Variants in RNF14 observed in about 807,000 individuals in gnomAD.
RNF14 encodes E3 ubiquitin-protein ligase RNF14.
A neutral mutation model predicts 52.6 loss-of-function variants in RNF14; 26 were observed. That is an observed-to-expected ratio of 0.49 (90% CI 0.36 to 0.69). The LOEUF (loss-of-function observed/expected upper bound fraction) is 0.69, where lower values mean the gene tolerates loss of function less well. Among genes scored for constraint, RNF14 ranks in the 30% least tolerant of loss-of-function variants. The pLI, the probability that RNF14 is intolerant of heterozygous loss-of-function variation, is 0.00. For synonymous variants in RNF14, 194 were observed against 202.0 expected (o/e 0.96, Z 0.34); for missense variants, 404 against 560.4 (o/e 0.72, Z 2.82).
chr5:141,966,590 G>T (rs1327741898), upstream of RNF14, among the ~76,000 whole-genome samples: 1 of 152,088 alleles, frequency 6.6e-6, no homozygotes, highest in Non-Finnish European at 1.5e-5. Context: ...GACTAACCAG[G>T]CACATGAGAC....
intron 3 of RNF14, 152 bp downstream of exon 3, chr5:141,973,894 GA>G: frequency 1.5e-6 from 1 of 651,418 alleles, no homozygotes. Flanking sequence ...AAATTGCAAT[GA>G]GGGGCAAGCA....
At position 141,988,430 on chromosome 5, in the gene RNF14, A is replaced by C. The variant is rs1481190848; in HGVS notation, c.*640A>C. 1.3e-5 allele frequency: 2 copies of C among 152,350 alleles called. No homozygotes were observed. The highest frequency in any genetic ancestry group is 2.9e-5 in the Non-Finnish European group (2 of 68,052). 9.4% of individuals were successfully genotyped at this position (152,350 alleles called of 1,614,324 possible). On this transcript the variant is annotated 3_prime_UTR_variant, in exon 9 of 9. Transcript: ENST00000394520. ...TTTAATACCACAAACACTGTGGGGC[A>C]CTTGATATTTATTAGTGGTGTATAT...
At chr5:141,963,974 GA>G (rs1753295902), upstream of RNF14, among the ~76,000 whole-genome samples, 1 of 152,122 alleles carries the variant, frequency 6.6e-6, no homozygotes, top group Non-Finnish European at 1.5e-5. Context: ...CCTCCTTACA[GA>G]GCCATGTTAC....
chr5:141,960,978 T>G (rs541124003), intron 1 of RNF14, among the ~76,000 whole-genome samples: 185 of 152,184 alleles, frequency 1.2e-3, no homozygotes, highest in Admixed American at 5.1e-3. Flanking sequence ...AGTGGGTGCC[T>G]GGGGTTCATA....
the RNF14 span, among the ~76,000 whole-genome samples, chr5:141,951,201 T>G: frequency 5.3e-5 from 8 of 152,190 alleles, no homozygotes; most frequent in Admixed American, 4.6e-4. Flanking sequence ...CCTCTGTAAT[T>G]GGGACAAATA....
intron 6 of RNF14, among the ~76,000 whole-genome samples, chr5:141,982,173 G>T (rs992600026): frequency 6.6e-6 from 1 of 152,102 alleles, no homozygotes; most frequent in African/African-American, 2.4e-5. Flanking sequence ...GCAAAATTAG[G>T]AATCTCTCCC....
At chr5:141,985,057 CT>C in intron 8 of RNF14, 124 bp downstream of exon 8, 1 of 883,078 alleles carries the variant, frequency 1.1e-6, no homozygotes, top group African/African-American at 1.7e-5. Flanking sequence ...ATGTTTTCCC[CT>C]ATAAAGGAAT....
At chr5:141,982,071 G>C (rs1348083593) in intron 6 of RNF14, among the ~76,000 whole-genome samples, 1 of 152,096 alleles carries the variant, frequency 6.6e-6, no homozygotes, top group Non-Finnish European at 1.5e-5. Flanking sequence ...CTTTACTTTA[G>C]ACTTCTGTAA....
In RNF14 at chr5:141,986,702, G is replaced by T. The variant is rs532319666; in HGVS notation, c.1368-1031G>T. 3.9e-5 allele frequency among the ~76,000 whole-genome samples: 6 copies of T among 152,326 alleles called. No individual in the cohort carries two copies. The East Asian group carries it at 1.2e-3, about 29-fold the overall frequency. On this transcript the variant is annotated intron_variant, in intron 8 of 8. Coordinates refer to ENST00000394520, the MANE Select transcript of RNF14 (RefSeq NM_004290.5). ...GCCGGCAAGGTGGCTGTTATGACAG[G>T]TTGGGAAGCATAGCCTTCAGCCAGA...
At chr5:141,964,440 AATG>A (rs532498908), upstream of RNF14, among the ~76,000 whole-genome samples, 1 of 152,030 alleles carries the variant, frequency 6.6e-6, no homozygotes, top group African/African-American at 2.4e-5. Context: ...TTAAAATAGG[AATG>A]ATGATGATGA....
chr5:141,951,331 C>T, the RNF14 span, among the ~76,000 whole-genome samples: 6 of 152,282 alleles, frequency 3.9e-5, no homozygotes, highest in South Asian at 6.2e-4. Flanking sequence ...AGTCACCTCA[C>T]GACCAAAACT....
At position 141,983,619 on chromosome 5, in the gene RNF14, C is replaced by G. The variant is rs887316082; in HGVS notation, c.1236+67C>G. On this transcript the variant is annotated intron_variant, in intron 7 of 8. Coordinates refer to ENST00000394520, the MANE Select transcript of RNF14 (RefSeq NM_004290.5). ...AGGATGTTATGATTACCTTAAGAAG[C>G]CTTACTAGTCAATTTTATGACTTAC... 3.7e-5 allele frequency: 50 copies of G among 1,353,012 alleles called. 1 individual carries two copies. In the East Asian group the frequency reaches 4.9e-4, roughly 13 times the overall value. The allele number at this position is 1,353,012 out of a possible 1,614,324, so 83.8% of individuals were successfully genotyped here.
At chr5:141,976,743 C>T (rs1038013893) in intron 4 of RNF14, among the ~76,000 whole-genome samples, 2 of 150,490 alleles carry the variant, frequency 1.3e-5, no homozygotes, top group East Asian at 3.9e-4. Context: ...CGTCCCCCTT[C>T]CATTTACATG....
intron 4 of RNF14, among the ~76,000 whole-genome samples, chr5:141,976,532 CTT>C (rs1000606190): frequency 8.5e-5 from 13 of 152,244 alleles, no homozygotes; most frequent in South Asian, 6.2e-4. Context: ...TAATTGGTCT[CTT>C]ATATTCCTTC....
chr5:141,969,029 C>T (rs1415077025), upstream of RNF14: 1 of 152,218 alleles, frequency 6.6e-6, no homozygotes, highest in Non-Finnish European at 1.5e-5. Context: ...CAGGGGCGAC[C>T]ACGGCGGCTG....
chr5:141,954,477 A>C (rs1753141726), upstream of RNF14, among the ~76,000 whole-genome samples: 1 of 152,226 alleles, frequency 6.6e-6, no homozygotes, highest in Non-Finnish European at 1.5e-5. Context: ...GCATTCACTC[A>C]TTTTATTTTC....
At chr5:141,961,178 A>G (rs1266228187) in intron 1 of RNF14, among the ~76,000 whole-genome samples, 1 of 151,904 alleles carries the variant, frequency 6.6e-6, no homozygotes, top group Non-Finnish European at 1.5e-5. Context: ...ATCTATATAT[A>G]TTTTACATGC....
At chr5:141,987,428 T>TA (rs1357324766) in intron 8 of RNF14, among the ~76,000 whole-genome samples, 1 of 152,208 alleles carries the variant, frequency 6.6e-6, no homozygotes, top group South Asian at 2.1e-4. Flanking sequence ...CGCCTCCATC[T>TA]AGGCCCTCAG....
At chr5:141,965,555 T>A (rs1753326541), upstream of RNF14, among the ~76,000 whole-genome samples, 1 of 152,172 alleles carries the variant, frequency 6.6e-6, no homozygotes, top group African/African-American at 2.4e-5. Flanking sequence ...ACTATTTTAC[T>A]CTCTGTGAAT....
Sources: gnomAD v4.1 joint callset for allele counts (sites outside exome capture counted in the v4.1 genomes callset) on GRCh38, gnomAD v4.1.1 for gene constraint, MANE v1.5 for transcripts, NCBI Gene and HGNC (gene_info 2026-07-23, HGNC 2026-07-21) for gene names.